The following CHD6 variants were observed in gnomAD, a reference collection of about 807,000 sequenced individuals.
CHD6 encodes chromodomain helicase DNA binding protein 6, also known as ATP-dependent chromatin remodeler CHD6.
Under a neutral mutation model 276.9 loss-of-function variants are expected in CHD6, and 50 were observed. That is an observed-to-expected ratio of 0.18 (90% confidence interval 0.14 to 0.23). The LOEUF is 0.23. CHD6 is among the 10% of genes least tolerant of loss of function. The pLI is 1.00. For missense variants in CHD6, 2,564 were observed against 3,365.8 expected (o/e 0.76, Z 5.89); for synonymous variants, 1,173 against 1,229.3 (o/e 0.95, Z 0.96).
intron 1 of CHD6, among the ~76,000 whole-genome samples, chr20:41,592,440 A>C (rs558141587): frequency 4.9e-4 from 75 of 152,238 alleles, no homozygotes; most frequent in Non-Finnish European, 8.8e-4. Flanking sequence ...TGAGAAAGAT[A>C]GTTTTCCTCA....
intron 23 of CHD6, among the ~76,000 whole-genome samples, chr20:41,448,336 G>A (rs1248688126): frequency 1.3e-5 from 2 of 152,200 alleles, no homozygotes; most frequent in Non-Finnish European, 2.9e-5. Flanking sequence ...AGGGTGAACA[G>A]TGGTGTTTTC....
In CHD6 at chr20:41,405,138, C is replaced by A; in HGVS notation, c.7603G>T (p.Gly2535Trp). The change falls in exon 37 of 37, where the codon GGG (glycine) becomes TGG (tryptophan). Residue 2535 changes from glycine to tryptophan, a missense_variant. Gly to Trp is a radical substitution (Grantham distance 184). This residue lies in a region of CHD6 where 238 missense variants were observed against 266.0 expected (regional missense o/e 0.89). Transcript: ENST00000373233. ...MAAVPQMFGV[G>W]GLLSPPMATT... ...GCCATGGGTGGACTGAGGAGTCCCC[C>A]AACACCAAACATCTGGGGCACAGCA... 1 of 1,614,202 alleles carries A rather than the reference C, an allele frequency of 6.2e-7. No individual in the cohort carries two copies. Among genetic ancestry groups the A allele is most frequent in the African/African-American group, 1.3e-5 (1 of 75,050 alleles).
At chr20:41,440,370 A>G (rs1249011791) in intron 25 of CHD6, among the ~76,000 whole-genome samples, 1 of 152,214 alleles carries the variant, frequency 6.6e-6, no homozygotes, top group Non-Finnish European at 1.5e-5. Context: ...TGTCCGTGAA[A>G]AGACAATTGT....
At chr20:41,448,291 G>A (rs1352812031) in intron 23 of CHD6, among the ~76,000 whole-genome samples, 7 of 152,178 alleles carry the variant, frequency 4.6e-5, no homozygotes, top group Admixed American at 1.3e-4. Flanking sequence ...TTAGGCAGAG[G>A]TGGCTTCCGA....
At chr20:41,533,667 AT>A in intron 2 of CHD6, 97 bp from the exon 3 acceptor site, 1 of 1,115,526 alleles carries the variant, frequency 9.0e-7, no homozygotes, top group African/African-American at 1.6e-5. Flanking sequence ...CTCAACAAAT[AT>A]TTACTGAGTT....
At position 41,489,536 on chromosome 20, in the gene CHD6, AACTTTCAG is replaced by A. The variant is rs559521792; in HGVS notation, c.1680+234_1680+241del. ...ACTTCATAAACCAATAAGTAAGTCA[AACTTTCAG>A]TGTCCTAAAAAAGGTATATCTCAGA... On this transcript the variant is annotated intron_variant, in intron 12 of 36. Transcript: ENST00000373233. 1.5e-3 allele frequency among the ~76,000 whole-genome samples: 225 copies of A among 152,326 alleles called. 1 individual carries two copies. Among genetic ancestry groups the A allele is most frequent in the African/African-American group, 5.3e-3 (219 of 41,578 alleles).
At chr20:41,609,327 T>A (rs1305507230) in intron 1 of CHD6, among the ~76,000 whole-genome samples, 1 of 152,128 alleles carries the variant, frequency 6.6e-6, no homozygotes, top group Non-Finnish European at 1.5e-5. Context: ...GAACTTGACA[T>A]CCTTAGAAGA....
intron 2 of CHD6, among the ~76,000 whole-genome samples, chr20:41,543,014 G>C (rs1045132434): frequency 6.7e-6 from 1 of 150,170 alleles, no homozygotes; most frequent in Non-Finnish European, 1.5e-5. Flanking sequence ...TAAGGCAGGA[G>C]AATTGCTTGA....
At chr20:41,407,415 G>A (rs960060858) in intron 36 of CHD6, among the ~76,000 whole-genome samples, 1 of 152,188 alleles carries the variant, frequency 6.6e-6, no homozygotes, top group Non-Finnish European at 1.5e-5. Context: ...ACAGAACGCA[G>A]AGAAAGAAGC....
At chr20:41,552,699 C>T (rs1235114860) in intron 1 of CHD6, among the ~76,000 whole-genome samples, 1 of 152,166 alleles carries the variant, frequency 6.6e-6, no homozygotes, top group African/African-American at 2.4e-5. Context: ...ATTTTTCTCC[C>T]TCTAAGAGTT....
chr20:41,457,885 T>G (rs528469778), intron 17 of CHD6, among the ~76,000 whole-genome samples: 1 of 152,336 alleles, frequency 6.6e-6, no homozygotes, highest in South Asian at 2.1e-4. Context: ...TCTCGTTTAT[T>G]TTTACCACAC....
chr20:41,419,730 G>T (rs1019565940), intron 31 of CHD6, among the ~76,000 whole-genome samples: 1 of 151,866 alleles, frequency 6.6e-6, no homozygotes, highest in Non-Finnish European at 1.5e-5. Context: ...GTTGTTTTTG[G>T]TTTTTTGTTC....
intron 12 of CHD6, among the ~76,000 whole-genome samples, 172 bp downstream of exon 12, chr20:41,489,606 A>G (rs576784266): frequency 2.0e-5 from 3 of 152,354 alleles, no homozygotes; most frequent in African/African-American, 7.2e-5. Flanking sequence ...GTGTTGTATC[A>G]TAAATTAAAA....
In CHD6 at chr20:41,568,199, C is replaced by A. The variant is rs539790528; in HGVS notation, c.-23-16839G>T. Among the ~76,000 whole-genome samples the A allele has an allele frequency of 8.5e-5, 13 of 152,216 alleles. No individual in the cohort carries two copies. The East Asian group carries it at 2.5e-3, about 29-fold the overall frequency. On this transcript the variant is annotated intron_variant, in intron 1 of 36. Transcript: ENST00000373233. ...CTTGATACAAGGAAACAAAATATTT[C>A]AAACAAATAACTCATATAATTAAAC...
chr20:41,613,503 G>A (rs962784716), intron 1 of CHD6, among the ~76,000 whole-genome samples: 1 of 152,198 alleles, frequency 6.6e-6, no homozygotes, highest in African/African-American at 2.4e-5. Flanking sequence ...GCTTCCATGT[G>A]ATCATGTGAT....
At chr20:41,413,237 G>A in intron 35 of CHD6, 87 bp downstream of exon 35, 1 of 1,060,238 alleles carries the variant, frequency 9.4e-7, no homozygotes, top group East Asian at 2.7e-5. Flanking sequence ...CCAACTTCCT[G>A]GTTGCCCTCA....
intron 27 of CHD6, among the ~76,000 whole-genome samples, chr20:41,432,306 C>T (rs368909108): frequency 9.9e-5 from 15 of 152,160 alleles, no homozygotes; most frequent in East Asian, 3.9e-4. Flanking sequence ...AAGAAACTGT[C>T]TCAACTCTAC....
At chr20:41,544,018 T>C (rs530848272) in intron 2 of CHD6, among the ~76,000 whole-genome samples, 1 of 152,302 alleles carries the variant, frequency 6.6e-6, no homozygotes, top group African/African-American at 2.4e-5. Flanking sequence ...GACATGCGGA[T>C]TGCCTGAGCT....
intron 19 of CHD6, 150 bp downstream of exon 19, chr20:41,455,650 C>A: frequency 1.8e-6 from 1 of 565,640 alleles, no homozygotes; most frequent in Non-Finnish European, 3.1e-6. Flanking sequence ...CTCTAAGGAT[C>A]TATATCTTTA....
Sources: gnomAD v4.1 joint callset for allele counts (sites outside exome capture counted in the v4.1 genomes callset) on GRCh38, gnomAD v4.1.1 for gene constraint, gnomAD v4.1.1 regional missense constraint, MANE v1.5 for transcripts, NCBI Gene and HGNC (gene_info 2026-07-23, HGNC 2026-07-21) for gene names.